GRTP1: variants seen among roughly 807,000 people sequenced by gnomAD.
The protein encoded by GRTP1 is growth hormone regulated TBC protein 1.
In GRTP1, 56 loss-of-function variants were observed where a neutral mutation model predicts 38.1. The observed-to-expected ratio is 1.47, with a 90% CI of 1.19 to 1.84. The LOEUF is 1.84. Ranked by LOEUF, GRTP1 falls within the 40% of genes most tolerant of loss-of-function variation. GRTP1 has a pLI of 0.00. For missense variants in GRTP1, 506 were observed against 453.9 expected (o/e 1.11, Z -1.04); for synonymous variants, 217 against 189.5 (o/e 1.14, Z -1.19).
At position 113,344,930 on chromosome 13, in the gene GRTP1, A is replaced by G; in HGVS notation, c.495T>C (p.Ile165=). 6.2e-7 allele frequency: 1 copy of G among 1,600,908 alleles called. No individual in the cohort carries two copies. Among genetic ancestry groups the G allele is most frequent in the African/African-American group, 1.3e-5 (1 of 74,678 alleles). The change falls in exon 5 of 8, where the codon ATT becomes ATC. Residue 165 remains isoleucine (I), a synonymous_variant. Transcript: ENST00000375431. ...ATTCTTCTTCATTATTTGTTATAAGAATCAGATATCCTGCTATAAAATTCA... is the reference window on the plus strand; with the variant it reads ...ATTCTTCTTCATTATTTGTTATAAGGATCAGATATCCTGCTATAAAATTCA... ...QGMNFIAGYL[I]LITNNEEESF...
chr13:113,330,842 G>T (rs764250200), intron 5 of GRTP1, among the ~76,000 whole-genome samples: 603 of 794 alleles, frequency 0.76, 254 homozygotes, highest in Middle Eastern at 1. Context: ...CAGGTGTGTG[G>T]AAGGAAACCC....
chr13:113,345,794 C>G (rs1364699687), intron 4 of GRTP1, among the ~76,000 whole-genome samples: 1 of 152,242 alleles, frequency 6.6e-6, no homozygotes, highest in Non-Finnish European at 1.5e-5. Context: ...TTACACGTCC[C>G]TTGGCCTGGA....
intron 2 of GRTP1, 43 bp from the exon 3 acceptor site, chr13:113,355,524 G>A (rs751556102): frequency 1.6e-5 from 24 of 1,546,350 alleles, no homozygotes; most frequent in Admixed American, 5.9e-5. Context: ...TGGACCAGGG[G>A]CCTGCGGGGC....
Position 113,363,796 on chromosome 13 carries a change from C to A in GRTP1, c.147G>T (p.Leu49=). The part of the protein sequence containing the change: ...LTRRAIKWSR[L]LQGGGVPRSR... The stretch of plus-strand genomic sequence containing the variant: ...TCCTGGGGACGCCCCCGCCCTGCAG[C>A]AGCCGGGACCATTTGATCGCCCTGC... Residue 49 remains leucine (L), a synonymous_variant, in exon 2 of 8, where the codon CTG becomes CTT. Coordinates refer to ENST00000375431, the MANE Select transcript of GRTP1 (RefSeq NM_024719.4). 1 of 1,610,334 alleles carries A rather than the reference C, an allele frequency of 6.2e-7. No individual in the cohort carries two copies. Among genetic ancestry groups the A allele is most frequent in the Non-Finnish European group, 8.5e-7 (1 of 1,179,068 alleles).
intron 2 of GRTP1, among the ~76,000 whole-genome samples, chr13:113,355,905 GT>G (rs1361178019): frequency 1.3e-5 from 2 of 152,234 alleles, no homozygotes; most frequent in African/African-American, 4.8e-5. Context: ...GGAGAACACG[GT>G]TTCAGTGGCA....
rs189383163 is a variant in GRTP1 at position 113,324,818 on chromosome 13, C to T, written c.922-241G>A. The T allele has an allele frequency of 6.2e-4, 765 of 1,237,454 alleles. 3 individuals are homozygous for T. Among genetic ancestry groups the T allele is most frequent in the Middle Eastern group, 9.5e-4 (3 of 3,170 alleles). 76.7% of individuals were successfully genotyped at this position (1,237,454 alleles called of 1,614,324 possible). A position where few individuals can be genotyped will look rare whatever the true frequency, so the allele number is the denominator to read the frequency against. Reference sequence around the variant, plus strand: ...AAACGGTGGAAGAAAAGGCCATCTGCTTCCATTAGACTTTTTTTTTTTTTT... The same window carrying T: ...AAACGGTGGAAGAAAAGGCCATCTGTTTCCATTAGACTTTTTTTTTTTTTT... On this transcript the variant is annotated intron_variant, in intron 7 of 7. Transcript: ENST00000375431.
At position 113,349,539 on chromosome 13, in the gene GRTP1, G is replaced by A. The variant is rs1160585201; in HGVS notation, c.465+1310C>T. On this transcript the variant is annotated intron_variant, in intron 4 of 7. Transcript: ENST00000375431. This position sits in a 1 kb window ranked among gnomAD's most constrained non-coding sequence, Gnocchi z 5.0. Reference sequence around the variant, plus strand: ...GCTCCTGGACAGTCATAAAAGTGAGGAATGGCAGGAATTCTGTCTGCAAAG... The same window carrying A: ...GCTCCTGGACAGTCATAAAAGTGAGAAATGGCAGGAATTCTGTCTGCAAAG... Among the ~76,000 whole-genome samples the A allele has an allele frequency of 1.3e-5, 2 of 152,188 alleles. No homozygotes were observed. Among genetic ancestry groups the A allele is most frequent in the Non-Finnish European group, 2.9e-5 (2 of 68,032 alleles).
rs59328510 is a variant in GRTP1, at chr13:113,331,648, CTT to C, written c.563-5559_563-5558del. ...AAGGCTGGTTTTGCTGTTTGGTTTA[CTT>C]TTTTTTTTTTTTTTTTTTTTTTTTA... On this transcript the variant is annotated intron_variant, in intron 5 of 7. Transcript: ENST00000375431. 1.0e-3 allele frequency among the ~76,000 whole-genome samples: 97 copies of C among 92,980 alleles called. No individual in the cohort carries two copies. In the South Asian group the frequency reaches 0.019, roughly 18 times the overall value. The allele number at this position is 92,980 out of a possible 152,430, so 61.0% of individuals were successfully genotyped here. A position where few individuals can be genotyped will look rare whatever the true frequency, so the allele number is the denominator to read the frequency against.
intron 5 of GRTP1, among the ~76,000 whole-genome samples, chr13:113,328,528 A>G (rs961808580): frequency 6.6e-6 from 1 of 151,004 alleles, no homozygotes; most frequent in African/African-American, 2.5e-5. Flanking sequence ...GAAGACTCAA[A>G]CAATTTTTTG....
At position 113,324,349 on chromosome 13, in the gene GRTP1, T is replaced by C. The variant is rs1201521157; in HGVS notation, c.*139A>G. On this transcript the variant is annotated 3_prime_UTR_variant, in exon 8 of 8. Transcript: ENST00000375431. ...AATGACCTGATTTTAAACTGCTCTT[T>C]TAAAAAATTCACAACTAAAGTGTAG... 5.5e-6 allele frequency: 7 copies of C among 1,277,498 alleles called. No homozygotes were observed. Among genetic ancestry groups the C allele is most frequent in the Non-Finnish European group, 7.1e-6 (7 of 992,060 alleles). 79.1% of individuals were successfully genotyped at this position (1,277,498 alleles called of 1,614,324 possible). A position where few individuals can be genotyped will look rare whatever the true frequency, so the allele number is the denominator to read the frequency against.
chr13:113,347,828 G>A (rs1235286642), intron 4 of GRTP1, among the ~76,000 whole-genome samples: 4 of 149,932 alleles, frequency 2.7e-5, no homozygotes, highest in Non-Finnish European at 4.5e-5. Flanking sequence ...CTGTGGCAGA[G>A]AGCAGACCCG....
rs1365887132 is a variant in GRTP1, at chr13:113,350,804, T to A, written c.465+45A>T. The A allele has an allele frequency of 4.6e-6, 7 of 1,521,452 alleles. No homozygotes were observed. The African/African-American group carries it at 8.3e-5, about 18-fold the overall frequency. 94.2% of individuals were successfully genotyped at this position (1,521,452 alleles called of 1,614,324 possible). On this transcript the variant is annotated intron_variant, in intron 4 of 7. Transcript: ENST00000375431. Reference sequence around the variant, plus strand: ...CCGAGCCTGCAGCTGTGGACAGACCTGTCCTCACAGCCACCTCATGGCGTC... The same window carrying A: ...CCGAGCCTGCAGCTGTGGACAGACCAGTCCTCACAGCCACCTCATGGCGTC...
intron 2 of GRTP1, among the ~76,000 whole-genome samples, chr13:113,357,441 C>CAAA (rs368660991): frequency 0.041 from 3,991 of 97,460 alleles, 244 homozygotes; most frequent in African/African-American, 0.065. Flanking sequence ...GACACTGCCT[C>CAAA]AAAAAAAAAA....
intron 3 of GRTP1, among the ~76,000 whole-genome samples, chr13:113,354,986 C>T (rs1412690732): frequency 6.6e-6 from 1 of 152,334 alleles, no homozygotes; most frequent in East Asian, 1.9e-4. Flanking sequence ...AGCGCAGCTG[C>T]GTCCGAAGGC....
chr13:113,352,279 TATTTATATATATTTATATATA>T (rs1182727573), intron 3 of GRTP1, among the ~76,000 whole-genome samples: 39,196 of 121,278 alleles, frequency 0.32, 7,422 homozygotes, highest in East Asian at 0.6. Flanking sequence ...TTTTTATATA[TATTTATATATATTTATATATA>T]TTTTATATAT....
chr13:113,347,531 T>TGA (rs1475663077), intron 4 of GRTP1, among the ~76,000 whole-genome samples: 1 of 56,174 alleles, frequency 1.8e-5, no homozygotes, highest in South Asian at 5.2e-4. Context: ...CCTCTGTGGC[T>TGA]GAGCGGATCC....
chr13:113,338,118 G>A (rs950230206), intron 5 of GRTP1, among the ~76,000 whole-genome samples: 3 of 152,162 alleles, frequency 2.0e-5, no homozygotes, highest in African/African-American at 7.2e-5. Context: ...TCAGTCACGC[G>A]GCAGGGCCCG....
chr13:113,364,029 C>A lies in GRTP1; in HGVS notation c.23G>T (p.Arg8Leu), dbSNP rs2139558388. The change falls in exon 1 of 8, where the codon CGG becomes CTG. Residue 8 changes from arginine (R) to leucine (L), a missense_variant. Transcript: ENST00000375431. MQPAERS[R>L]VPRIDPYGFE... ...ACCCCGCGCCACACACCTGGGGACC[C>A]GCGAGCGCTCGGCGGGCTGCATGCG... The A allele has an allele frequency of 7.7e-7, 1 of 1,302,658 alleles. No homozygotes were observed. Among genetic ancestry groups the A allele is most frequent in the South Asian group, 2.6e-5 (1 of 37,754 alleles). The allele number at this position is 1,302,658 out of a possible 1,614,324, so 80.7% of individuals were successfully genotyped here.
chr13:113,346,165 A>AGAG lies in GRTP1; in HGVS notation c.466-1207_466-1206insCTC, dbSNP rs1491329956. Among the ~76,000 whole-genome samples, 32 of 145,130 alleles carry AGAG rather than the reference A, an allele frequency of 2.2e-4. 1 individual carries two copies. The highest frequency in any genetic ancestry group is 3.6e-3 in the Middle Eastern group (1 of 276). On this transcript the variant is annotated intron_variant, in intron 4 of 7. Transcript: ENST00000375431. ...AGACCCGGGAGGACCTCTGTGCCTGACAGTGGACCCGGGAGGACCTCTGTG... is the reference window on the plus strand; with the variant it reads ...AGACCCGGGAGGACCTCTGTGCCTGAGAGCAGTGGACCCGGGAGGACCTCTGTG...
Sources: allele counts gnomAD v4.1 joint callset (sites outside exome capture counted in the v4.1 genomes callset), GRCh38; gene constraint gnomAD v4.1.1; non-coding constraint Gnocchi (gnomAD v3.1); transcripts MANE v1.5; gene names NCBI Gene and HGNC (gene_info 2026-07-23, HGNC 2026-07-21).